TRANK1: variants seen among roughly 807,000 people sequenced by gnomAD.
TRANK1 encodes the protein TPR and ankyrin repeat-containing protein 1.
TRANK1 carries 198 observed loss-of-function variants against 266.0 expected under a neutral mutation model. The ratio of observed to expected loss-of-function variants is 0.74; its 90% confidence interval spans 0.66 to 0.84. TRANK1 has a LOEUF of 0.84. Ranked by LOEUF, TRANK1 falls within the 40% of genes least tolerant of loss-of-function variation. The probability of loss-of-function intolerance (pLI) is 0.00; values close to 1 mark genes in which losing one functional copy is unlikely to be tolerated. For synonymous variants in TRANK1, 1,396 were observed against 1,384.1 expected (o/e 1.01, Z -0.19); for missense variants, 3,326 against 3,634.6 (o/e 0.92, Z 2.18).
chr3:36,905,008 G>T lies in TRANK1; in HGVS notation c.156-1733C>A, dbSNP rs1339501887. ...CCAAAAAAAAAAAAATCCCTGGGTA[G>T]GCCGGGCACAGTGGCTCATGCCTGT... On this transcript the variant is annotated intron_variant, in intron 2 of 23. Coordinates refer to ENST00000645898, the MANE Select transcript of TRANK1 (RefSeq NM_001329998.2). 2.4e-4 allele frequency among the ~76,000 whole-genome samples: 37 copies of T among 152,032 alleles called. 1 individual carries two copies. Among genetic ancestry groups the T allele is most frequent in the Admixed American group, 2.4e-3 (36 of 15,270 alleles).
chr3:36,859,923 G>C (rs772537673), intron 11 of TRANK1, among the ~76,000 whole-genome samples: 1 of 152,182 alleles, frequency 6.6e-6, no homozygotes, highest in Non-Finnish European at 1.5e-5. Flanking sequence ...TAAAGGCTCT[G>C]CAAGGTGTGT....
chr3:36,935,614 C>T (rs555230876), intron 1 of TRANK1, among the ~76,000 whole-genome samples: 1 of 152,166 alleles, frequency 6.6e-6, no homozygotes, highest in Admixed American at 6.5e-5. Flanking sequence ...CCACACTCAG[C>T]TATTTTTGTA....
chr3:36,886,408 G>T (rs181648989), intron 8 of TRANK1, among the ~76,000 whole-genome samples: 1 of 151,900 alleles, frequency 6.6e-6, no homozygotes, highest in Non-Finnish European at 1.5e-5. Context: ...ACCACACCCA[G>T]CCAGCCCTCT....
chr3:36,904,584 T>C (rs2079934824), intron 2 of TRANK1, among the ~76,000 whole-genome samples: 1 of 151,718 alleles, frequency 6.6e-6, no homozygotes, highest in African/African-American at 2.4e-5. Context: ...AATACAAAAA[T>C]CACTGTAGAT....
chr3:36,838,417 G>A lies in TRANK1; in HGVS notation c.5472C>T (p.Ala1824=), dbSNP rs1327117520. The change falls in exon 20 of 24, where the codon GCC becomes GCT. Residue 1824 remains alanine (A), a synonymous_variant. Transcript: ENST00000645898. ...GCTGGGCAGAGAGCTGGAACTCCTT[G>A]GCATAGCTCAGACACTTAAGGGACA... The part of the protein sequence containing the change: ...PTLSLKCLSY[A]KEFQLSAQLC... 4 of 1,613,902 alleles carry A rather than the reference G, an allele frequency of 2.5e-6. No individual in the cohort carries two copies. Among genetic ancestry groups the A allele is most frequent in the East Asian group, 2.2e-5 (1 of 44,900 alleles).
chr3:36,908,355 G>T lies in TRANK1; in HGVS notation c.123C>A (p.Ala41=). The change falls in exon 2 of 24, where the codon GCC becomes GCA. Residue 41 remains alanine (A), a synonymous_variant. Transcript: ENST00000645898. ...FSLAIRKYDE[A]IQILLQLYQW... Reference sequence around the variant, plus strand: ...GGTATAACTGCAGGAGAATCTGGATGGCTTCATCGTACTTTCTGATGGCCA... The same window carrying T: ...GGTATAACTGCAGGAGAATCTGGATTGCTTCATCGTACTTTCTGATGGCCA... The T allele has an allele frequency of 8.1e-7, 1 of 1,232,238 alleles. No homozygotes were observed. Among genetic ancestry groups the T allele is most frequent in the African/African-American group, 1.5e-5 (1 of 64,554 alleles). 76.3% of individuals were successfully genotyped at this position (1,232,238 alleles called of 1,614,324 possible).
At chr3:36,843,294 G>T (rs952789586) in intron 17 of TRANK1, among the ~76,000 whole-genome samples, 10 of 152,150 alleles carry the variant, frequency 6.6e-5, no homozygotes, top group Middle Eastern at 3.4e-3. Flanking sequence ...TTAAGTTTTG[G>T]TCTACTTTCC....
intron 3 of TRANK1, among the ~76,000 whole-genome samples, chr3:36,899,597 T>TA (rs1327326469): frequency 6.6e-6 from 1 of 152,218 alleles, no homozygotes; most frequent in Non-Finnish European, 1.5e-5. Flanking sequence ...AGATAGAGGC[T>TA]ACAGTGAGTT....
rs114629961 is a variant in TRANK1, at chr3:36,897,913, C to A, written c.433+1196G>T. On this transcript the variant is annotated intron_variant, in intron 4 of 23. Coordinates refer to ENST00000645898, the MANE Select transcript of TRANK1 (RefSeq NM_001329998.2). The stretch of plus-strand genomic sequence containing the variant: ...TCTGGTTTTGCCTGATCTGGGCCAC[C>A]AACAAAGCTATGTCTTAGGCCAGGC... 8.1e-3 allele frequency among the ~76,000 whole-genome samples: 1,237 copies of A among 152,266 alleles called. 14 individuals carry two copies. The highest frequency in any genetic ancestry group is 0.028 in the African/African-American group (1,169 of 41,546).
chr3:36,943,086 G>A (rs946197814), intron 1 of TRANK1, among the ~76,000 whole-genome samples: 1 of 151,714 alleles, frequency 6.6e-6, no homozygotes, highest in African/African-American at 2.4e-5. Flanking sequence ...CAGCTATTTC[G>A]GAGGCTGCGG....
At chr3:36,944,646 G>C in intron 1 of TRANK1, 141 bp downstream of exon 1, 1 of 984,634 alleles carries the variant, frequency 1.0e-6, no homozygotes, top group Non-Finnish European at 1.4e-6. Flanking sequence ...GATGGCTGTG[G>C]GCCCCACAGG....
chr3:36,842,011 C>G (rs1030027923), intron 18 of TRANK1, among the ~76,000 whole-genome samples: 3 of 152,294 alleles, frequency 2.0e-5, no homozygotes, highest in African/African-American at 4.8e-5. Context: ...CACCCAAAAC[C>G]CTGTGATGTG....
intron 10 of TRANK1, 134 bp downstream of exon 10, chr3:36,864,185 T>G (rs2079181857): frequency 1.1e-5 from 11 of 1,017,822 alleles, no homozygotes; most frequent in Non-Finnish European, 1.5e-5. Context: ...AAGAATGCTC[T>G]GTGCTGTCTG....
rs780564903 is a variant in TRANK1, at chr3:36,857,947, T to C, written c.1775A>G (p.Asn592Ser). ...CTGGAAGAGGATGTGCATCAGCGTG[T>C]TCCCATTGCTGTCCTGGACATTGGG... ...LNPNVQDSNG[N>S]TLMHILFQKG... Residue 592 changes from asparagine to serine, a missense_variant, in exon 13 of 24, where the codon AAC (asparagine) becomes AGC (serine). Coordinates refer to ENST00000645898, the MANE Select transcript of TRANK1 (RefSeq NM_001329998.2). The surrounding 1 kb of genome is among the most constrained non-coding windows in gnomAD (Gnocchi z 4.3). 1 of 1,602,698 alleles carries C rather than the reference T, an allele frequency of 6.2e-7. No individual in the cohort carries two copies.
chr3:36,875,879 C>T (rs2079381233), intron 8 of TRANK1, among the ~76,000 whole-genome samples: 1 of 152,124 alleles, frequency 6.6e-6, no homozygotes, highest in Non-Finnish European at 1.5e-5. Flanking sequence ...AAAAGTAACG[C>T]TTAGAGCCTT....
At position 36,834,909 on chromosome 3, in the gene TRANK1, T is replaced by A; in HGVS notation, c.5518-2A>T. ...ATAGAAATAGGCAGCATCTCTTATCTAGGATGGAGTAAATTTTACTTTTAT... is the reference window on the plus strand; with the variant it reads ...ATAGAAATAGGCAGCATCTCTTATCAAGGATGGAGTAAATTTTACTTTTAT... On this transcript the variant is annotated splice_acceptor_variant, in intron 20 of 23. Transcript: ENST00000645898. LOFTEE classifies it high-confidence loss of function. 2 of 1,597,268 alleles carry A rather than the reference T, an allele frequency of 1.3e-6. No individual in the cohort carries two copies. Among genetic ancestry groups the A allele is most frequent in the East Asian group, 4.5e-5 (2 of 44,616 alleles).
At position 36,899,276 on chromosome 3, in the gene TRANK1, AG is replaced by A; in HGVS notation, c.283-18del. 6.5e-7 allele frequency: 1 copy of A among 1,535,834 alleles called. No individual in the cohort carries two copies. Among genetic ancestry groups the A allele is most frequent in the Non-Finnish European group, 8.7e-7 (1 of 1,146,400 alleles). On this transcript the variant is annotated intron_variant, in intron 3 of 23. Coordinates refer to ENST00000645898, the MANE Select transcript of TRANK1 (RefSeq NM_001329998.2). The stretch of plus-strand genomic sequence containing the variant: ...GTAGTATCCCTGGAACAGGATAAAA[AG>A]CAAAACTGTCATGTACCACATCTCC...
intron 1 of TRANK1, among the ~76,000 whole-genome samples, chr3:36,942,360 A>G (rs937464169): frequency 3.9e-5 from 6 of 152,030 alleles, no homozygotes; most frequent in African/African-American, 1.4e-4. Context: ...CATCTATAAA[A>G]TGATCGTGGT....
At chr3:36,934,449 G>A (rs551487433) in intron 1 of TRANK1, among the ~76,000 whole-genome samples, 16 of 152,212 alleles carry the variant, frequency 1.1e-4, no homozygotes, top group African/African-American at 2.4e-4. Context: ...TGTCTAAATC[G>A]TTTGAGTTGT....
Sources: allele counts gnomAD v4.1 joint callset (sites outside exome capture counted in the v4.1 genomes callset), GRCh38; gene constraint gnomAD v4.1.1; non-coding constraint Gnocchi (gnomAD v3.1); transcripts MANE v1.5; gene names NCBI Gene and HGNC (gene_info 2026-07-23, HGNC 2026-07-21).